The following HBS1L variants were observed in gnomAD, a reference collection of about 807,000 sequenced individuals.
HBS1L encodes HBS1-like protein.
In HBS1L, 55 loss-of-function variants were observed where a neutral mutation model predicts 88.9. The ratio of observed to expected loss-of-function variants is 0.62; its 90% CI spans 0.50 to 0.77. HBS1L has a LOEUF of 0.77. Ranked by LOEUF, HBS1L falls within the 30% of genes least tolerant of loss-of-function variation. The pLI is 0.00. For missense variants in HBS1L, 741 were observed against 829.3 expected, an observed-to-expected ratio of 0.89 and a Z score of 1.31; for synonymous variants, 267 against 288.5, an observed-to-expected ratio of 0.93 and a Z score of 0.76.
At chr6:135,032,439 T>C (rs1162699929) in intron 4 of HBS1L, among the ~76,000 whole-genome samples, 2 of 152,232 alleles carry the variant, frequency 1.3e-5, no homozygotes, top group East Asian at 1.9e-4. Flanking sequence ...GGAAAACTAG[T>C]ATAGAAATTC....
chr6:134,986,403 G>C (rs1774980446), intron 10 of HBS1L, among the ~76,000 whole-genome samples: 1 of 151,942 alleles, frequency 6.6e-6, no homozygotes, highest in Non-Finnish European at 1.5e-5. Flanking sequence ...TCAAGCATTT[G>C]GTAACAAAGG....
chr6:135,009,773 AC>A (rs766048771), intron 4 of HBS1L, among the ~76,000 whole-genome samples: 9 of 150,878 alleles, frequency 6.0e-5, no homozygotes, highest in Non-Finnish European at 1.0e-4. Flanking sequence ...AGCTGGGACT[AC>A]AGGTGCCCGC....
intron 5 of HBS1L, among the ~76,000 whole-genome samples, chr6:135,001,412 C>A (rs964223321): frequency 6.6e-6 from 1 of 152,030 alleles, no homozygotes; most frequent in Non-Finnish European, 1.5e-5. Context: ...GTTAAGACTT[C>A]TGAAAAATCT....
At chr6:135,048,914 T>C (rs1776994671) in intron 2 of HBS1L, among the ~76,000 whole-genome samples, 1 of 152,146 alleles carries the variant, frequency 6.6e-6, no homozygotes. Context: ...AGGAAAAGGA[T>C]GACAGAGTAG....
At chr6:135,000,523 A>G (rs375649548) in intron 5 of HBS1L, among the ~76,000 whole-genome samples, 1 of 152,246 alleles carries the variant, frequency 6.6e-6, no homozygotes, top group Admixed American at 6.5e-5. Context: ...TATTTCTTCT[A>G]TATGCAATGT....
chr6:135,010,010 A>G (rs1287321620), intron 4 of HBS1L, among the ~76,000 whole-genome samples: 2 of 152,180 alleles, frequency 1.3e-5, no homozygotes, highest in African/African-American at 4.8e-5. Flanking sequence ...GAGAAAAACC[A>G]TAGAAATTTA....
chr6:134,986,983 C>T (rs946104170), intron 9 of HBS1L, among the ~76,000 whole-genome samples, 173 bp from the exon 10 acceptor site: 2 of 152,034 alleles, frequency 1.3e-5, no homozygotes, highest in African/African-American at 2.4e-5. Flanking sequence ...AGTAATTCTT[C>T]CTCAAAATGC....
At chr6:134,967,864 A>C (rs1774361019) in intron 16 of HBS1L, among the ~76,000 whole-genome samples, 2 of 152,252 alleles carry the variant, frequency 1.3e-5, no homozygotes, top group Non-Finnish European at 2.9e-5. Flanking sequence ...CAGCCTAAAA[A>C]TAGTGGTCCT....
intron 8 of HBS1L, among the ~76,000 whole-genome samples, chr6:134,989,290 T>C (rs995619445): frequency 1.3e-5 from 2 of 152,222 alleles, no homozygotes; most frequent in African/African-American, 4.8e-5. Context: ...GCTTTTGCTT[T>C]GTATGCATAC....
chr6:135,052,616 T>G (rs1777123846), intron 1 of HBS1L, among the ~76,000 whole-genome samples: 1 of 152,090 alleles, frequency 6.6e-6, no homozygotes, highest in African/African-American at 2.4e-5. Flanking sequence ...AAACTCTTTT[T>G]TACTAGGTCA....
chr6:134,982,467 T>C lies in HBS1L; in HGVS notation c.1588A>G (p.Thr530Ala). The C allele has an allele frequency of 1.3e-6, 2 of 1,596,456 alleles. No individual in the cohort carries two copies. The highest frequency in any genetic ancestry group is 1.7e-6 in the Non-Finnish European group (2 of 1,164,630). ...LLAMPPNETCTVKGITLHDEP... is the reference protein window; with the variant it reads ...LLAMPPNETCAVKGITLHDEP... The stretch of plus-strand genomic sequence containing the variant: ...TCTTGCAGATAAATACCTTTCACGG[T>C]ACAAGTTTCATTAGGAGGCATTGCC... The change falls in exon 13 of 18, where the codon ACC becomes GCC. Residue 530 changes from threonine (T) to alanine (A), a missense_variant. This residue lies in a region of HBS1L where 181 missense variants were observed against 212.7 expected (regional missense o/e 0.85). Coordinates refer to ENST00000367837, the MANE Select transcript of HBS1L (RefSeq NM_006620.4).
chr6:135,014,724 A>G (rs1244209408), intron 4 of HBS1L, among the ~76,000 whole-genome samples: 1 of 152,070 alleles, frequency 6.6e-6, no homozygotes, highest in Non-Finnish European at 1.5e-5. Context: ...CCTTTAAGAC[A>G]TACAGATAGA....
At chr6:135,003,194 C>T (rs1452259702) in intron 4 of HBS1L, among the ~76,000 whole-genome samples, 1 of 152,142 alleles carries the variant, frequency 6.6e-6, no homozygotes, top group Non-Finnish European at 1.5e-5. Context: ...TCCTACCACA[C>T]CCTTTCACAA....
chr6:135,030,277 T>A (rs1295874917), intron 4 of HBS1L, among the ~76,000 whole-genome samples: 1 of 152,168 alleles, frequency 6.6e-6, no homozygotes, highest in Non-Finnish European at 1.5e-5. Flanking sequence ...GAATTATGAC[T>A]TCACATGGGG....
At position 135,032,047 on chromosome 6, in the gene HBS1L, T is replaced by C. The variant is rs759093225; in HGVS notation, c.430+7526A>G. On this transcript the variant is annotated intron_variant, in intron 4 of 17. Coordinates refer to ENST00000367837, the MANE Select transcript of HBS1L (RefSeq NM_006620.4). Reference sequence around the variant, plus strand: ...CATCACAACCTATACTTAAAGAGTGTTTCTATGTGAGTCCTAAAAAGTAAA... The same window carrying C: ...CATCACAACCTATACTTAAAGAGTGCTTCTATGTGAGTCCTAAAAAGTAAA... Among the ~76,000 whole-genome samples the C allele has an allele frequency of 5.4e-4, 82 of 152,024 alleles. 2 individuals carry two copies. The highest frequency in any genetic ancestry group is 2.2e-4 in the Non-Finnish European group (15 of 68,008).
In HBS1L at chr6:134,960,474, GC is replaced by G. The variant is rs1294997731; in HGVS notation, c.*4804del. 6.6e-6 allele frequency: 1 copy of G among 151,936 alleles called. No individual in the cohort carries two copies. The allele number at this position is 151,936 out of a possible 1,614,324, so 9.4% of individuals were successfully genotyped here. On this transcript the variant is annotated 3_prime_UTR_variant, in exon 18 of 18. Coordinates refer to ENST00000367837, the MANE Select transcript of HBS1L (RefSeq NM_006620.4). ...AGAATTCCTCAATAATTGTAACTAT[GC>G]CCTTTAATTTTTAATTTCTAATAAA... is the stretch of plus-strand genomic sequence containing the variant.
At chr6:135,018,001 A>C (rs1043532911) in intron 4 of HBS1L, among the ~76,000 whole-genome samples, 5 of 151,888 alleles carry the variant, frequency 3.3e-5, no homozygotes, top group African/African-American at 4.8e-5. Context: ...ACAAAAAAAA[A>C]AAACAGGGGT....
intron 7 of HBS1L, among the ~76,000 whole-genome samples, chr6:134,995,217 G>T (rs77862865): frequency 0.014 from 2,110 of 152,174 alleles, 67 homozygotes; most frequent in African/African-American, 0.048. Context: ...CTAAGGATAT[G>T]AAATGTCACT....
chr6:135,045,833 C>T (rs1032684150), intron 2 of HBS1L, among the ~76,000 whole-genome samples: 5 of 125,066 alleles, frequency 4.0e-5, no homozygotes, highest in South Asian at 3.0e-4. Flanking sequence ...AATGAGACTC[C>T]GTCTCAAAAA....
Sources: gnomAD v4.1 joint callset for allele counts (sites outside exome capture counted in the v4.1 genomes callset) on GRCh38, gnomAD v4.1.1 for gene constraint, gnomAD v4.1.1 regional missense constraint, MANE v1.5 for transcripts, NCBI Gene and HGNC (gene_info 2026-07-23, HGNC 2026-07-21) for gene names.